The following KTN1 variants were observed in gnomAD, a reference collection of about 807,000 sequenced individuals.
KTN1 encodes the protein kinectin 1, also known as kinectin.
A neutral mutation model predicts 222.5 loss-of-function variants in KTN1; 130 were observed. The ratio of observed to expected loss-of-function variants is 0.58; its 90% CI spans 0.51 to 0.68. The LOEUF (loss-of-function observed/expected upper bound fraction) is 0.68, where lower values mean the gene tolerates loss of function less well. KTN1 is among the 30% of genes least tolerant of loss of function. The pLI, the probability that KTN1 is intolerant of heterozygous loss-of-function variation, is 0.00. For synonymous variants in KTN1, 512 were observed against 496.3 expected, an observed-to-expected ratio of 1.03 and a Z score of -0.42; for missense variants, 1,508 against 1,500.4, an observed-to-expected ratio of 1.01 and a Z score of -0.08.
chr14:55,666,182 T>C (rs1426347846), intron 33 of KTN1, among the ~76,000 whole-genome samples: 1 of 152,002 alleles, frequency 6.6e-6, no homozygotes, highest in Non-Finnish European at 1.5e-5. Context: ...TTTGTGTGTA[T>C]GGAAAATGGC....
Position 55,639,894 on chromosome 14 carries a change from A to T in KTN1, c.1824-19A>T, listed in dbSNP as rs753199691. ...CTTCTGAATGTTTATTGAATGTACAAATGTCTTTCCTTCTAAAGGATTGCA... is the reference window on the plus strand; with the variant it reads ...CTTCTGAATGTTTATTGAATGTACATATGTCTTTCCTTCTAAAGGATTGCA... On this transcript the variant is annotated intron_variant, in intron 13 of 43. Transcript: ENST00000395314. 1 of 1,455,524 alleles carries T rather than the reference A, an allele frequency of 6.9e-7. No homozygotes were observed. 90.2% of individuals were successfully genotyped at this position (1,455,524 alleles called of 1,614,324 possible).
chr14:55,591,458 T>C (rs2034098031), intron 1 of KTN1, among the ~76,000 whole-genome samples: 1 of 152,200 alleles, frequency 6.6e-6, no homozygotes, highest in Admixed American at 6.5e-5. Context: ...TTTATTCCTG[T>C]CACCAGTGTA....
At chr14:55,656,613 G>GCAC (rs998241965) in intron 29 of KTN1, among the ~76,000 whole-genome samples, 1 of 151,974 alleles carries the variant, frequency 6.6e-6, no homozygotes, top group Non-Finnish European at 1.5e-5. Context: ...CTACAGGCAT[G>GCAC]CACCACTATG....
chr14:55,586,012 T>C (rs2032913764), intron 1 of KTN1, among the ~76,000 whole-genome samples: 2 of 152,238 alleles, frequency 1.3e-5, no homozygotes, highest in Admixed American at 6.5e-5. Context: ...TTACACTGCA[T>C]TTTCGCTGGA....
At chr14:55,657,273 AG>A (rs760725714) in intron 29 of KTN1, among the ~76,000 whole-genome samples, 55 of 152,216 alleles carry the variant, frequency 3.6e-4, no homozygotes, top group Non-Finnish European at 7.3e-4. Context: ...TATACTTGAA[AG>A]ATGGTAAGAT....
chr14:55,667,114 A>C, intron 33 of KTN1, 127 bp from the exon 34 acceptor site: 1 of 593,386 alleles, frequency 1.7e-6, no homozygotes, highest in Non-Finnish European at 2.9e-6. Context: ...AATATTTGTT[A>C]GTATTAAAAA....
At chr14:55,602,657 C>CTATAGCCT (rs1415709963) in intron 1 of KTN1, among the ~76,000 whole-genome samples, 2 of 151,228 alleles carry the variant, frequency 1.3e-5, no homozygotes, top group Non-Finnish European at 2.9e-5. Context: ...TCATGGCTTA[C>CTATAGCCT]TATAGCCTTG....
intron 41 of KTN1, among the ~76,000 whole-genome samples, chr14:55,678,119 A>G (rs1345534398): frequency 6.6e-6 from 1 of 152,242 alleles, no homozygotes; most frequent in Admixed American, 6.5e-5. Context: ...AACTATGGTT[A>G]TTTCTGTTTT....
chr14:55,583,902 C>T (rs2032332779), intron 1 of KTN1, among the ~76,000 whole-genome samples: 1 of 152,174 alleles, frequency 6.6e-6, no homozygotes, highest in Admixed American at 6.5e-5. Flanking sequence ...TTATTTCTTT[C>T]ACACTTGGCA....
At position 55,640,067 on chromosome 14, in the gene KTN1, C is replaced by T. The variant is rs2041612696; in HGVS notation, c.1914+64C>T. On this transcript the variant is annotated intron_variant, in intron 14 of 43. Coordinates refer to ENST00000395314, the MANE Select transcript of KTN1 (RefSeq NM_001079521.2). ...AACTGAAATTTAAATTACTTTGATG[C>T]ACATAATCAGTAAGTGTATATGAAA... 1.3e-5 allele frequency: 12 copies of T among 936,686 alleles called. No individual in the cohort carries two copies. In the Admixed American group the frequency reaches 2.1e-4, roughly 16 times the overall value. The allele number at this position is 936,686 out of a possible 1,614,324, so 58.0% of individuals were successfully genotyped here. A position where few individuals can be genotyped will look rare whatever the true frequency, so the allele number is the denominator to read the frequency against.
intron 9 of KTN1, among the ~76,000 whole-genome samples, chr14:55,635,840 A>G (rs141487883): frequency 6.2e-4 from 95 of 152,308 alleles, no homozygotes; most frequent in African/African-American, 2.1e-3. Flanking sequence ...AAAAGGCTTC[A>G]AGAGTAATTG....
intron 32 of KTN1, chr14:55,663,238 GA>G: frequency 3.7e-5 from 7 of 191,770 alleles, no homozygotes; most frequent in East Asian, 1.3e-4. Context: ...TTCTCATTCT[GA>G]AAAAAAAGAC....
chr14:55,640,745 A>G (rs2041704380), intron 15 of KTN1, among the ~76,000 whole-genome samples, 188 bp from the exon 16 acceptor site: 1 of 152,016 alleles, frequency 6.6e-6, no homozygotes, highest in Non-Finnish European at 1.5e-5. Context: ...TATATGAAGA[A>G]TGGAAAATAG....
chr14:55,669,216 G>A (rs1479812930), intron 34 of KTN1, among the ~76,000 whole-genome samples: 1 of 151,976 alleles, frequency 6.6e-6, no homozygotes, highest in African/African-American at 2.4e-5. Context: ...AAGATCACCA[G>A]CAGTAAAAAT....
At chr14:55,626,373 C>G (rs1023652833) in intron 5 of KTN1, among the ~76,000 whole-genome samples, 6 of 152,056 alleles carry the variant, frequency 3.9e-5, no homozygotes, top group Admixed American at 2.6e-4. Flanking sequence ...GTTGCTTTTG[C>G]TTCCACTTTA....
chr14:55,682,634 G>A (rs2046469084), intron 43 of KTN1: 1 of 152,130 alleles, frequency 6.6e-6, no homozygotes, highest in African/African-American at 2.4e-5. Context: ...CACCCTGTGT[G>A]TTAGGTAGGT....
At chr14:55,630,833 C>T (rs2040420811) in intron 7 of KTN1, among the ~76,000 whole-genome samples, 1 of 152,088 alleles carries the variant, frequency 6.6e-6, no homozygotes, top group Non-Finnish European at 1.5e-5. Flanking sequence ...TGCTAGAATT[C>T]AAGTCAAAGA....
chr14:55,618,912 AT>A (rs3215765), intron 4 of KTN1, among the ~76,000 whole-genome samples: 11,637 of 151,662 alleles, frequency 0.077, 497 homozygotes, highest in South Asian at 0.12. Context: ...CACCTAAGTG[AT>A]TTTTTTTTAA....
Position 55,606,438 on chromosome 14 carries a change from GT to G in KTN1, c.-30-5576del, listed in dbSNP as rs1424988891. Reference sequence around the variant, plus strand: ...TCAGTCTTGAATTTTGATTTGTTAAGTTTTTGCTAATGGTTTTTTTGAGCCA... The same window carrying G: ...TCAGTCTTGAATTTTGATTTGTTAAGTTTTGCTAATGGTTTTTTTGAGCCA... On this transcript the variant is annotated intron_variant, in intron 1 of 43. Coordinates refer to ENST00000395314, the MANE Select transcript of KTN1 (RefSeq NM_001079521.2). Among the ~76,000 whole-genome samples the G allele has an allele frequency of 2.4e-4, 37 of 151,982 alleles. No individual in the cohort carries two copies. The Middle Eastern group carries it at 0.02, about 84-fold the overall frequency.
Sources: gnomAD v4.1 joint callset for allele counts (sites outside exome capture counted in the v4.1 genomes callset) on GRCh38, gnomAD v4.1.1 for gene constraint, MANE v1.5 for transcripts, NCBI Gene and HGNC (gene_info 2026-07-23, HGNC 2026-07-21) for gene names.